RANBP10: variants seen among roughly 807,000 people sequenced by gnomAD.
RANBP10 encodes the protein ran-binding protein 10.
In RANBP10, 24 loss-of-function variants were observed where a neutral mutation model predicts 72.8. That is an observed-to-expected ratio of 0.33 (90% confidence interval 0.24 to 0.46). The LOEUF (loss-of-function observed/expected upper bound fraction) is 0.46, where lower values mean the gene tolerates loss of function less well. Among genes scored for constraint, RANBP10 ranks in the 20% least tolerant of loss-of-function variants. The pLI is 1.00. For missense variants in RANBP10, 679 were observed against 817.5 expected (o/e 0.83, Z 2.07); for synonymous variants, 310 against 322.3 (o/e 0.96, Z 0.41).
chr16:67,762,512 G>A (rs949981304), intron 3 of RANBP10: 2 of 152,204 alleles, frequency 1.3e-5, no homozygotes, highest in Admixed American at 6.5e-5. Context: ...TCCACCAGCT[G>A]ACCACAGCCC....
chr16:67,775,504 T>C (rs1249187294), intron 2 of RANBP10, among the ~76,000 whole-genome samples: 3 of 151,816 alleles, frequency 2.0e-5, no homozygotes, highest in African/African-American at 4.8e-5. Flanking sequence ...TGTTCACAGA[T>C]GACATGTTCC....
rs761392460 is a variant in RANBP10 at position 67,744,295 on chromosome 16, G to A, written c.561C>T (p.His187=). The A allele has an allele frequency of 5.6e-6, 9 of 1,613,988 alleles. No individual in the cohort carries two copies. The highest frequency in any genetic ancestry group is 1.6e-4 in the Middle Eastern group (1 of 6,068). Residue 187 remains histidine, a synonymous_variant, in exon 4 of 14, where the codon CAC becomes CAT. Transcript: ENST00000317506. ...NGTCFYTKNG[H]SLGIAFTDLP... ...GGTCCCTTATGCACACACCAAGGCT[G>A]TGGCCATTCTTGGTGTAGAAGCAGG...
chr16:67,785,686 C>T (rs1444557278), intron 2 of RANBP10, among the ~76,000 whole-genome samples: 1 of 143,816 alleles, frequency 7.0e-6, no homozygotes, highest in Non-Finnish European at 1.5e-5. Flanking sequence ...TGAGATCACA[C>T]CACTGCACTC....
Position 67,751,303 on chromosome 16 carries a change from T to C in RANBP10, c.401-6848A>G, listed in dbSNP as rs576493990. Among the ~76,000 whole-genome samples the C allele has an allele frequency of 7.2e-5, 11 of 152,342 alleles. No homozygotes were observed. In the South Asian group the frequency reaches 1.7e-3, roughly 23 times the overall value. ...TTAAAATAAGTATTTTAAACACTTT[T>C]CTTTAAAAATAAACTATATAACTAT... On this transcript the variant is annotated intron_variant, in intron 3 of 13. Coordinates refer to ENST00000317506, the MANE Select transcript of RANBP10 (RefSeq NM_020850.3).
At position 67,730,760 on chromosome 16, in the gene RANBP10, A is replaced by T. The variant is rs1284297192; in HGVS notation, c.889+712T>A. 6.6e-6 allele frequency among the ~76,000 whole-genome samples: 1 copy of T among 152,140 alleles called. No homozygotes were observed. The highest frequency in any genetic ancestry group is 1.5e-5 in the Non-Finnish European group (1 of 68,012). ...TTCTCTGGGAGACAGACACGTGCAC[A>T]TACAGAAGAGACAGCAGGCTTGGAG... On this transcript the variant is annotated intron_variant, in intron 7 of 13. Coordinates refer to ENST00000317506, the MANE Select transcript of RANBP10 (RefSeq NM_020850.3). This position sits in a 1 kb window ranked among gnomAD's most constrained non-coding sequence, Gnocchi z 4.3.
intron 3 of RANBP10, among the ~76,000 whole-genome samples, chr16:67,755,648 C>T (rs992296428): frequency 1.4e-5 from 2 of 146,294 alleles, no homozygotes; most frequent in Non-Finnish European, 3.0e-5. Flanking sequence ...CGCGCCACTG[C>T]ACTCCAGCCC....
intron 12 of RANBP10, 136 bp from the exon 13 acceptor site, chr16:67,727,574 C>T (rs2053630276): frequency 1.5e-6 from 2 of 1,318,920 alleles, no homozygotes; most frequent in African/African-American, 1.5e-5. Context: ...CAGGGCTGTA[C>T]TCTCCCCAGA....
At chr16:67,754,651 G>A (rs2054256135) in intron 3 of RANBP10, among the ~76,000 whole-genome samples, 2 of 152,216 alleles carry the variant, frequency 1.3e-5, no homozygotes. Flanking sequence ...ATATTTTGCA[G>A]TGAGTCTGTT....
At position 67,782,515 on chromosome 16, in the gene RANBP10, G is replaced by A. The variant is rs185391187; in HGVS notation, c.348-10429C>T. ...CACCCAGGCTGGAGTGCAGTGCCGCGATCTTGGCTCACTGCAACCTCTGCC... is the reference window on the plus strand; with the variant it reads ...CACCCAGGCTGGAGTGCAGTGCCGCAATCTTGGCTCACTGCAACCTCTGCC... On this transcript the variant is annotated intron_variant, in intron 2 of 13. Coordinates refer to ENST00000317506, the MANE Select transcript of RANBP10 (RefSeq NM_020850.3). 6.2e-4 allele frequency among the ~76,000 whole-genome samples: 92 copies of A among 149,152 alleles called. 1 individual carries two copies. In the Middle Eastern group the frequency reaches 0.035, roughly 57 times the overall value.
intron 2 of RANBP10, among the ~76,000 whole-genome samples, chr16:67,791,506 G>A (rs1357196464): frequency 1.3e-5 from 2 of 152,146 alleles, no homozygotes; most frequent in East Asian, 1.9e-4. Flanking sequence ...AAGAGACAAG[G>A]TCTTCAGCCT....
Position 67,806,428 on chromosome 16 carries a change from G to C in RANBP10, c.109C>G (p.Arg37Gly). 6.3e-7 allele frequency: 1 copy of C among 1,594,700 alleles called. No homozygotes were observed. The highest frequency in any genetic ancestry group is 1.1e-5 in the South Asian group (1 of 89,048). ...LPSPGEQELS[R>G]RLQRLYPAVN... ...GCGGGATACAGGCGCTGCAAGCGCC[G>C]GCTCAGCTCCTGCTCCCCAGGGGAC... Residue 37 changes from arginine (R) to glycine (G), a missense_variant, in exon 1 of 14, where the codon CGG becomes GGG. By Grantham distance (125) the Arg-to-Gly change is moderately radical. Transcript: ENST00000317506.
chr16:67,782,905 G>GCCATCTCTTAAAAGCCGCTT (rs2054840331), intron 2 of RANBP10, among the ~76,000 whole-genome samples: 1 of 152,064 alleles, frequency 6.6e-6, no homozygotes, highest in Non-Finnish European at 1.5e-5. Context: ...ACTTTTAAGA[G>GCCATCTCTTAAAAGCCGCTT]TAATGGCTAC....
intron 4 of RANBP10, among the ~76,000 whole-genome samples, chr16:67,742,782 G>T (rs529944131): frequency 6.6e-6 from 1 of 152,326 alleles, no homozygotes; most frequent in Admixed American, 6.5e-5. Context: ...TACAGGGTGA[G>T]AGCCCACAAT....
At chr16:67,791,180 A>AT (rs2055020277) in intron 2 of RANBP10, among the ~76,000 whole-genome samples, 1 of 150,966 alleles carries the variant, frequency 6.6e-6, no homozygotes, top group South Asian at 2.1e-4. Flanking sequence ...CGCCTGGCTA[A>AT]TTTTTTGTAT....
At chr16:67,758,677 T>C (rs570339939) in intron 3 of RANBP10, among the ~76,000 whole-genome samples, 1 of 152,310 alleles carries the variant, frequency 6.6e-6, no homozygotes, top group South Asian at 2.1e-4. Context: ...AAACTCAGGT[T>C]TCAGAACTGG....
chr16:67,772,968 T>G (rs2054634835), intron 2 of RANBP10, among the ~76,000 whole-genome samples: 1 of 152,190 alleles, frequency 6.6e-6, no homozygotes, highest in Non-Finnish European at 1.5e-5. Context: ...TGGAATGAGT[T>G]AAGACTCTGG....
chr16:67,767,711 C>G (rs964171231), intron 3 of RANBP10, among the ~76,000 whole-genome samples: 1 of 152,094 alleles, frequency 6.6e-6, no homozygotes, highest in African/African-American at 2.4e-5. Flanking sequence ...ATTCTCCTGC[C>G]TCAGCCTCTC....
chr16:67,805,393 T>C lies in RANBP10; in HGVS notation c.347+35A>G, dbSNP rs745370992. On this transcript the variant is annotated intron_variant, in intron 2 of 13. Transcript: ENST00000317506. ...ACTCTGACCACAGGGATCAGCTCCA[T>C]GATCAGGGAAAGAGGGTGGTCATGA... The C allele has an allele frequency of 5.1e-6, 8 of 1,576,340 alleles. No individual in the cohort carries two copies. In the East Asian group the frequency reaches 1.3e-4, roughly 26 times the overall value.
At chr16:67,757,529 C>T (rs116709549) in intron 3 of RANBP10, among the ~76,000 whole-genome samples, 1,772 of 152,156 alleles carry the variant, frequency 0.012, 38 homozygotes, top group African/African-American at 0.04. Context: ...AGGTACATTG[C>T]GGGACATCAT....
Sources: allele counts gnomAD v4.1 joint callset (sites outside exome capture counted in the v4.1 genomes callset), GRCh38; gene constraint gnomAD v4.1.1; non-coding constraint Gnocchi (gnomAD v3.1); transcripts MANE v1.5; gene names NCBI Gene and HGNC (gene_info 2026-07-23, HGNC 2026-07-21).